Variants in DPP6 observed in about 807,000 individuals in gnomAD.
DPP6 encodes the protein A-type potassium channel modulatory protein DPP6.
Under a neutral mutation model 122.6 loss-of-function variants are expected in DPP6, and 69 were observed. The observed-to-expected ratio is 0.56, with a 90% confidence interval of 0.46 to 0.69. The LOEUF is 0.69. Among genes scored for constraint, DPP6 ranks in the 30% least tolerant of loss-of-function variants. The pLI is 0.00. For missense variants in DPP6, 928 were observed against 1,116.9 expected, an observed-to-expected ratio of 0.83 and a Z score of 2.41; for synonymous variants, 418 against 433.1, an observed-to-expected ratio of 0.97 and a Z score of 0.43.
chr7:154,122,610 G>C (rs1258138497), intron 1 of DPP6, among the ~76,000 whole-genome samples: 1 of 152,092 alleles, frequency 6.6e-6, no homozygotes, highest in African/African-American at 2.4e-5. Context: ...TTAGCAATTT[G>C]CTGTAATAAT....
At chr7:154,194,308 A>G (rs1798757453) in intron 1 of DPP6, among the ~76,000 whole-genome samples, 1 of 152,230 alleles carries the variant, frequency 6.6e-6, no homozygotes, top group Admixed American at 6.5e-5. Flanking sequence ...AATAGAAGGG[A>G]ATTATCATAA....
chr7:154,141,504 C>T (rs1194399197), intron 1 of DPP6, among the ~76,000 whole-genome samples: 2 of 152,176 alleles, frequency 1.3e-5, no homozygotes, highest in Admixed American at 6.5e-5. Context: ...CAGTACATAC[C>T]ATTTGAATGA....
At chr7:154,611,455 T>C (rs1450880696) in intron 5 of DPP6, among the ~76,000 whole-genome samples, 1 of 152,200 alleles carries the variant, frequency 6.6e-6, no homozygotes, top group Non-Finnish European at 1.5e-5. Context: ...TCTTTGGTTA[T>C]CCAAGAGAGA....
chr7:154,251,241 G>A (rs1041684346), intron 1 of DPP6, among the ~76,000 whole-genome samples: 6 of 152,156 alleles, frequency 3.9e-5, no homozygotes, highest in African/African-American at 4.8e-5. Context: ...GATGTTTCAC[G>A]GGAGCTACTT....
chr7:154,543,255 G>T (rs2130283725), intron 4 of DPP6, among the ~76,000 whole-genome samples: 1 of 152,300 alleles, frequency 6.6e-6, no homozygotes, highest in African/African-American at 2.4e-5. Context: ...GTTGAGAAAT[G>T]GAAAGGAATT....
At chr7:153,940,998 CTGAT>C (rs1223133493) in intron 1 of DPP6, among the ~76,000 whole-genome samples, 1 of 152,160 alleles carries the variant, frequency 6.6e-6, no homozygotes, top group African/African-American at 2.4e-5. Context: ...CCAGGAGTGA[CTGAT>C]TGCCTTCAAT....
chr7:154,875,959 A>T lies in DPP6; in HGVS notation c.1937A>T (p.Glu646Val). ...GCTGAGAAGTTCGAGGTGAGCTGGGAGACGGTGATGGTGAGCAGCCACGGC... is the reference window on the plus strand; with the variant it reads ...GCTGAGAAGTTCGAGGTGAGCTGGGTGACGGTGATGGTGAGCAGCCACGGC... ...SVAEKFEVSW[E>V]TVMVSSHGAV... Residue 646 changes from glutamate to valine, a missense_variant, in exon 20 of 26, where the codon GAG becomes GTG. Physicochemically the swap from Glu to Val is moderately radical, Grantham distance 121. Transcript: ENST00000377770. This position sits in a 1 kb window ranked among gnomAD's most constrained non-coding sequence, Gnocchi z 4.5. 1 of 1,613,502 alleles carries T rather than the reference A, an allele frequency of 6.2e-7. No individual in the cohort carries two copies. Among genetic ancestry groups the T allele is most frequent in the Non-Finnish European group, 8.5e-7 (1 of 1,179,740 alleles).
the DPP6 span, among the ~76,000 whole-genome samples, chr7:153,756,508 G>A: frequency 1.3e-5 from 2 of 152,254 alleles, no homozygotes; most frequent in East Asian, 3.9e-4. Context: ...AGACACTTGG[G>A]CATCATGAAG....
chr7:154,308,498 A>G (rs1806571435), intron 1 of DPP6, among the ~76,000 whole-genome samples: 1 of 152,196 alleles, frequency 6.6e-6, no homozygotes, highest in South Asian at 2.1e-4. Context: ...GAAGCAATAT[A>G]TACTTTAATC....
chr7:154,753,103 T>C (rs1331780500), intron 8 of DPP6, among the ~76,000 whole-genome samples: 1 of 151,688 alleles, frequency 6.6e-6, no homozygotes, highest in Non-Finnish European at 1.5e-5. Flanking sequence ...AATTCCCTTC[T>C]CTTCCGAGAC....
intron 1 of DPP6, among the ~76,000 whole-genome samples, chr7:154,138,158 T>C (rs1211265778): frequency 4.6e-5 from 7 of 152,170 alleles, no homozygotes; most frequent in Admixed American, 2.0e-4. Flanking sequence ...ACTGCTTCAT[T>C]TACTCTCTCA....
chr7:154,707,563 G>A (rs774060994), intron 7 of DPP6, among the ~76,000 whole-genome samples: 2 of 152,162 alleles, frequency 1.3e-5, no homozygotes, highest in Admixed American at 6.5e-5. Flanking sequence ...CAGGTCCATC[G>A]GACATGCCCC....
intron 1 of DPP6, among the ~76,000 whole-genome samples, chr7:153,899,011 G>A (rs563700212): frequency 5.3e-5 from 8 of 152,236 alleles, no homozygotes; most frequent in African/African-American, 1.4e-4. Flanking sequence ...AAAGGCATTC[G>A]GCTTCCATTA....
chr7:153,855,061 G>T, the DPP6 span, among the ~76,000 whole-genome samples: 2 of 121,624 alleles, frequency 1.6e-5, no homozygotes, highest in Non-Finnish European at 3.4e-5. Context: ...ACACAGGAAG[G>T]GGAATATCAC....
rs1442061026 is a variant in DPP6 at position 153,890,293 on chromosome 7, GAGAA to G, written c.51+2563_51+2566del. 2.0e-5 allele frequency among the ~76,000 whole-genome samples: 3 copies of G among 152,346 alleles called. No individual in the cohort carries two copies. In the East Asian group the frequency reaches 5.8e-4, roughly 29 times the overall value. On this transcript the variant is annotated intron_variant, in intron 1 of 25. Coordinates refer to the DPP6 transcript ENST00000404039. ...CATTTGAGGTTTGATATTTAAAAAAGAGAAAGACACTTTGCACTGCCCAAATGGT... is the reference window on the plus strand; with the variant it reads ...CATTTGAGGTTTGATATTTAAAAAAGAGACACTTTGCACTGCCCAAATGGT...
intron 3 of DPP6, among the ~76,000 whole-genome samples, chr7:154,511,378 C>T (rs1368574804): frequency 6.6e-6 from 1 of 152,112 alleles, no homozygotes; most frequent in Non-Finnish European, 1.5e-5. Flanking sequence ...TTTGAAAAAC[C>T]CTCTCTCTGG....
chr7:154,505,263 T>C (rs888133093), intron 3 of DPP6, among the ~76,000 whole-genome samples: 1 of 152,196 alleles, frequency 6.6e-6, no homozygotes, highest in African/African-American at 2.4e-5. Context: ...TTAGAATAGA[T>C]TTACATATAT....
intron 1 of DPP6, among the ~76,000 whole-genome samples, chr7:153,918,209 C>T (rs1231342061): frequency 6.6e-6 from 1 of 152,098 alleles, no homozygotes; most frequent in Non-Finnish European, 1.5e-5. Flanking sequence ...CAACATGACC[C>T]TAGGACACTT....
At chr7:154,823,373 AAT>A (rs1799928425) in intron 16 of DPP6, among the ~76,000 whole-genome samples, 1 of 29,644 alleles carries the variant, frequency 3.4e-5, no homozygotes, top group Non-Finnish European at 2.5e-4. Flanking sequence ...CTAACTGTAA[AAT>A]AATAATAACC....
Sources: gnomAD v4.1 joint callset for allele counts (sites outside exome capture counted in the v4.1 genomes callset) on GRCh38, gnomAD v4.1.1 for gene constraint, Gnocchi (gnomAD v3.1) non-coding constraint, MANE v1.5 for transcripts, NCBI Gene and HGNC (gene_info 2026-07-23, HGNC 2026-07-21) for gene names.